Variants in TLN2 observed in about 807,000 individuals in gnomAD.
The protein encoded by TLN2 is talin-2.
In TLN2, 118 loss-of-function variants were observed where a neutral mutation model predicts 294.7. The observed-to-expected ratio is 0.40, with a 90% CI of 0.34 to 0.47. The LOEUF is 0.47. Among genes scored for constraint, TLN2 ranks in the 20% least tolerant of loss-of-function variants. TLN2 has a pLI of 0.84. For synonymous variants in TLN2, 1,431 were observed against 1,304.5 expected (o/e 1.10, Z -2.09); for missense variants, 3,083 against 3,282.2 (o/e 0.94, Z 1.48).
intron 54 of TLN2, among the ~76,000 whole-genome samples, chr15:62,825,793 AAT>A (rs1555521866): frequency 2.1e-4 from 2 of 9,402 alleles, no homozygotes; most frequent in Middle Eastern, 0.071. Context: ...TATATATTAT[AAT>A]ATATATTATA....
At chr15:62,488,262 T>C (rs2038519006) in intron 1 of TLN2, among the ~76,000 whole-genome samples, 1 of 152,088 alleles carries the variant, frequency 6.6e-6, no homozygotes, top group Non-Finnish European at 1.5e-5. Flanking sequence ...CAGTTATAAA[T>C]CTGGGCAAAC....
intron 1 of TLN2, among the ~76,000 whole-genome samples, chr15:62,575,579 A>G (rs1040918875): frequency 1.5e-4 from 23 of 150,406 alleles, no homozygotes; most frequent in African/African-American, 5.6e-4. Flanking sequence ...TACTTAATTC[A>G]TCAATTTCCA....
intron 54 of TLN2, among the ~76,000 whole-genome samples, chr15:62,825,252 ATTGT>A (rs1270953028): frequency 6.6e-6 from 1 of 152,186 alleles, no homozygotes; most frequent in Non-Finnish European, 1.5e-5. Context: ...GTCCAGTTAC[ATTGT>A]TTGACTGAAA....
At chr15:62,491,326 CA>C (rs775626928) in intron 1 of TLN2, among the ~76,000 whole-genome samples, 162 of 99,008 alleles carry the variant, frequency 1.6e-3, no homozygotes, top group Admixed American at 2.3e-3. Flanking sequence ...GACTCTGTCT[CA>C]AAAAAAAAAA....
Position 62,497,312 on chromosome 15 carries a change from T to C in TLN2, c.-237-92375T>C, listed in dbSNP as rs372905157. ...AAATATCTGGGGCAGCATGTGAGAG[T>C]CTCTTCATTTTCTATTGGAAATTGG... is the stretch of plus-strand genomic sequence containing the variant. On this transcript the variant is annotated intron_variant, in intron 1 of 58. Transcript: ENST00000636159. Among the ~76,000 whole-genome samples, 618 of 152,250 alleles carry C rather than the reference T, an allele frequency of 4.1e-3. 9 individuals are homozygous for C. Among genetic ancestry groups the C allele is most frequent in the South Asian group, 0.038 (184 of 4,828 alleles).
chr15:62,480,509 G>A (rs2038024398), intron 1 of TLN2, among the ~76,000 whole-genome samples: 1 of 152,230 alleles, frequency 6.6e-6, no homozygotes, highest in South Asian at 2.1e-4. Context: ...ACAGGCGTGA[G>A]CCACGGTGCC....
In TLN2 at chr15:62,840,714, T is replaced by G; in HGVS notation, c.*104T>G. The G allele has an allele frequency of 6.8e-7, 1 of 1,476,470 alleles. No homozygotes were observed. The highest frequency in any genetic ancestry group is 9.0e-7 in the Non-Finnish European group (1 of 1,106,780). The allele number at this position is 1,476,470 out of a possible 1,614,324, so 91.5% of individuals were successfully genotyped here. ...CTTAGCTGGAAACCGCCCACCTCCC[T>G]CCCGGGTGAGCCTGGAGCCCTGCGT... is the stretch of plus-strand genomic sequence containing the variant. On this transcript the variant is annotated 3_prime_UTR_variant, in exon 59 of 59. Coordinates refer to ENST00000636159, the MANE Select transcript of TLN2 (RefSeq NM_015059.3).
intron 1 of TLN2, among the ~76,000 whole-genome samples, chr15:62,578,189 A>C (rs2044595767): frequency 6.6e-6 from 1 of 152,336 alleles, no homozygotes; most frequent in East Asian, 1.9e-4. Context: ...AAAGTTTTAA[A>C]CATGTATATG....
At chr15:62,646,657 A>G (rs2051887077) in intron 3 of TLN2, among the ~76,000 whole-genome samples, 1 of 152,130 alleles carries the variant, frequency 6.6e-6, no homozygotes, top group Non-Finnish European at 1.5e-5. Context: ...TATTTTATGC[A>G]CTGTGCAGGG....
intron 54 of TLN2, among the ~76,000 whole-genome samples, chr15:62,826,210 C>T (rs890769220): frequency 6.6e-6 from 1 of 151,802 alleles, no homozygotes; most frequent in African/African-American, 2.4e-5. Flanking sequence ...TTCAAGGGCC[C>T]CTTAAACAGA....
In TLN2 at chr15:62,656,167, C is replaced by T. The variant is rs987021894; in HGVS notation, c.660+81C>T. The T allele has an allele frequency of 5.2e-5, 80 of 1,546,894 alleles. No individual in the cohort carries two copies. The Admixed American group carries it at 7.6e-4, about 15-fold the overall frequency. ...CTGTATCTTGTGGCGAGCAGGAGGG[C>T]GGCGCTGGCTTCTGCCACATTTATG... On this transcript the variant is annotated intron_variant, in intron 8 of 58. Transcript: ENST00000636159.
At position 62,505,145 on chromosome 15, in the gene TLN2, G is replaced by A. The variant is rs150753676; in HGVS notation, c.-237-84542G>A. ...CTAATTTTTTTGTATTTTTAGTAGA[G>A]ACGGGGTTTCACCATGTTGGCCAGG... On this transcript the variant is annotated intron_variant, in intron 1 of 58. Transcript: ENST00000636159. 4.5e-3 allele frequency among the ~76,000 whole-genome samples: 689 copies of A among 152,146 alleles called. 6 individuals carry two copies. The highest frequency in any genetic ancestry group is 0.016 in the African/African-American group (655 of 41,492).
chr15:62,521,784 A>G (rs566578663), intron 1 of TLN2, among the ~76,000 whole-genome samples: 12 of 152,250 alleles, frequency 7.9e-5, no homozygotes, highest in African/African-American at 2.4e-4. Context: ...TCCGCATGCA[A>G]ATTTCTCCCA....
intron 48 of TLN2, among the ~76,000 whole-genome samples, chr15:62,798,476 A>G (rs2065684745): frequency 6.6e-6 from 1 of 152,102 alleles, no homozygotes; most frequent in Non-Finnish European, 1.5e-5. Flanking sequence ...CCTGTTGTTG[A>G]ACTAACAGCC....
intron 52 of TLN2, 150 bp from the exon 53 acceptor site, chr15:62,819,366 G>C (rs1211075953): frequency 3.1e-6 from 2 of 641,346 alleles, no homozygotes; most frequent in East Asian, 2.7e-5. Flanking sequence ...GAGTCGTAAG[G>C]GTTTTCCACA....
intron 1 of TLN2, among the ~76,000 whole-genome samples, chr15:62,393,263 T>C (rs1394750173): frequency 2.0e-5 from 3 of 152,178 alleles, no homozygotes; most frequent in African/African-American, 7.2e-5. Flanking sequence ...TTTTTGGCAT[T>C]GATGTGGAGC....
chr15:62,643,347 C>T (rs549140245), intron 3 of TLN2, among the ~76,000 whole-genome samples: 1 of 148,502 alleles, frequency 6.7e-6, no homozygotes, highest in African/African-American at 2.5e-5. Flanking sequence ...AACCCTGGGG[C>T]CTTTTAGTCT....
intron 54 of TLN2, chr15:62,832,356 A>G (rs926059377): frequency 6.6e-6 from 1 of 152,174 alleles, no homozygotes; most frequent in African/African-American, 2.4e-5. Context: ...GAAAGGTACC[A>G]CCCACATCTT....
At chr15:62,609,656 C>T (rs1320787730) in intron 2 of TLN2, among the ~76,000 whole-genome samples, 1 of 152,272 alleles carries the variant, frequency 6.6e-6, no homozygotes, top group East Asian at 1.9e-4. Context: ...GTTCTTTTTG[C>T]ACCGCATCAT....
Sources: gnomAD v4.1 joint callset for allele counts (sites outside exome capture counted in the v4.1 genomes callset) on GRCh38, gnomAD v4.1.1 for gene constraint, MANE v1.5 for transcripts, NCBI Gene and HGNC (gene_info 2026-07-23, HGNC 2026-07-21) for gene names.